SPAG16: variants seen among roughly 807,000 people sequenced by gnomAD.
The protein encoded by SPAG16 is sperm associated antigen 16.
Under a neutral mutation model 80.4 loss-of-function variants are expected in SPAG16, and 86 were observed. The observed-to-expected ratio is 1.07, with a 90% confidence interval of 0.90 to 1.28. The LOEUF (loss-of-function observed/expected upper bound fraction) is 1.28, where lower values mean the gene tolerates loss of function less well. Ranked by LOEUF, SPAG16 falls within the 50% of genes most tolerant of loss-of-function variation. The probability of loss-of-function intolerance (pLI) is 0.00; values close to 1 mark genes in which losing one functional copy is unlikely to be tolerated. For synonymous variants in SPAG16, 294 were observed against 265.9 expected, an observed-to-expected ratio of 1.11 and a Z score of -1.03; for missense variants, 870 against 765.3, an observed-to-expected ratio of 1.14 and a Z score of -1.61.
intron 15 of SPAG16, among the ~76,000 whole-genome samples, chr2:214,353,868 G>T (rs963392578): frequency 6.6e-5 from 10 of 152,100 alleles, no homozygotes; most frequent in Non-Finnish European, 1.0e-4. Context: ...ATGGTAGCAT[G>T]TGTTTTGCAG....
chr2:213,947,268 T>C (rs2079520403), intron 12 of SPAG16, among the ~76,000 whole-genome samples: 1 of 152,156 alleles, frequency 6.6e-6, no homozygotes, highest in South Asian at 2.1e-4. Flanking sequence ...TTTTAAAAAG[T>C]GCAAATTGTT....
chr2:214,205,486 A>G (rs2058118813), intron 15 of SPAG16, among the ~76,000 whole-genome samples: 1 of 152,206 alleles, frequency 6.6e-6, no homozygotes, highest in Non-Finnish European at 1.5e-5. Context: ...GACTTCATAT[A>G]TTGAATAATT....
intron 5 of SPAG16, among the ~76,000 whole-genome samples, chr2:213,339,200 G>T (rs2064547166): frequency 6.6e-6 from 1 of 152,134 alleles, no homozygotes; most frequent in African/African-American, 2.4e-5. Flanking sequence ...CTGATCCTCA[G>T]TGATTGACTT....
chr2:213,453,828 A>G (rs909305986), intron 9 of SPAG16, among the ~76,000 whole-genome samples: 6 of 152,238 alleles, frequency 3.9e-5, no homozygotes, highest in African/African-American at 7.2e-5. Context: ...GGGAAACTTC[A>G]TTGGAATCAC....
intron 11 of SPAG16, among the ~76,000 whole-genome samples, chr2:213,910,783 C>A (rs568784620): frequency 3.4e-5 from 1 of 29,764 alleles, no homozygotes; most frequent in Admixed American, 4.3e-4. Flanking sequence ...CCACCACGCC[C>A]GGCCAAGAAT....
intron 14 of SPAG16, among the ~76,000 whole-genome samples, chr2:214,144,128 C>T (rs1379264335): frequency 1.3e-5 from 2 of 151,996 alleles, no homozygotes; most frequent in East Asian, 3.9e-4. Context: ...CCCTGGGCAA[C>T]AGAACAAGAT....
At chr2:213,931,585 A>G (rs753237186) in intron 12 of SPAG16, among the ~76,000 whole-genome samples, 4 of 152,184 alleles carry the variant, frequency 2.6e-5, no homozygotes, top group Non-Finnish European at 4.4e-5. Flanking sequence ...ATATGTCTTT[A>G]GAACTCTTAA....
In SPAG16 at chr2:214,011,414, A is replaced by G. The variant is rs545289019; in HGVS notation, c.1401-2537A>G. On this transcript the variant is annotated intron_variant, in intron 12 of 15. Coordinates refer to ENST00000331683, the MANE Select transcript of SPAG16 (RefSeq NM_024532.5). ...AAGTAAAACCCAAGTATACTCGTAA[A>G]TATTCTAATATATTGGTATACTTCT... is the stretch of plus-strand genomic sequence containing the variant. Among the ~76,000 whole-genome samples the G allele has an allele frequency of 2.3e-4, 35 of 149,704 alleles. 10 individuals are homozygous for G. Among genetic ancestry groups the G allele is most frequent in the African/African-American group, 8.3e-4 (33 of 39,606 alleles).
rs570584851 is a variant in SPAG16, at chr2:213,745,107, CT to C, written c.1071-117371del. Among the ~76,000 whole-genome samples the C allele has an allele frequency of 3.7e-4, 57 of 152,166 alleles. No individual in the cohort carries two copies. The South Asian group carries it at 0.012, about 31-fold the overall frequency. ...ACTTCTATTTGTGAATTAGCTTTTT[CT>C]TTTTTTCTAAAAAGTTAACCAGTTA... On this transcript the variant is annotated intron_variant, in intron 10 of 15. Transcript: ENST00000331683.
chr2:213,962,142 T>C (rs1448393633), intron 12 of SPAG16, among the ~76,000 whole-genome samples: 1 of 152,002 alleles, frequency 6.6e-6, no homozygotes, highest in Non-Finnish European at 1.5e-5. Context: ...AAGCGGTAAT[T>C]ATGGTTAAAT....
chr2:214,275,178 C>A (rs913199491), intron 15 of SPAG16, among the ~76,000 whole-genome samples: 3 of 151,912 alleles, frequency 2.0e-5, no homozygotes, highest in Admixed American at 6.6e-5. Context: ...CTATTTGATT[C>A]TTCTCTCTTT....
intron 15 of SPAG16, among the ~76,000 whole-genome samples, chr2:214,199,679 A>G (rs769490688): frequency 2.6e-5 from 4 of 152,126 alleles, no homozygotes; most frequent in Non-Finnish European, 4.4e-5. Flanking sequence ...GAATCTGTAG[A>G]TTGCTTTAGG....
At chr2:213,513,989 G>T (rs1346463721) in intron 10 of SPAG16, among the ~76,000 whole-genome samples, 1 of 152,094 alleles carries the variant, frequency 6.6e-6, no homozygotes. Flanking sequence ...ACAAAATTAG[G>T]ATTTTGTAAG....
intron 12 of SPAG16, among the ~76,000 whole-genome samples, chr2:213,949,276 T>C (rs1427426857): frequency 1.4e-5 from 2 of 146,956 alleles, no homozygotes; most frequent in East Asian, 4.1e-4. Context: ...GTTCAAGCGA[T>C]TCTCGTGCCT....
At chr2:214,214,409 A>T (rs2058376940) in intron 15 of SPAG16, among the ~76,000 whole-genome samples, 1 of 152,080 alleles carries the variant, frequency 6.6e-6, no homozygotes, top group African/African-American at 2.4e-5. Context: ...ACTTCAGGTG[A>T]TCTGCCTCCC....
chr2:214,189,855 T>A (rs1469946344), intron 15 of SPAG16, among the ~76,000 whole-genome samples: 1 of 152,082 alleles, frequency 6.6e-6, no homozygotes, highest in African/African-American at 2.4e-5. Flanking sequence ...TCCTATAGAT[T>A]ATATTTTGCA....
At chr2:213,624,930 A>G (rs2061910556) in intron 10 of SPAG16, among the ~76,000 whole-genome samples, 1 of 152,044 alleles carries the variant, frequency 6.6e-6, no homozygotes, top group South Asian at 2.1e-4. Flanking sequence ...AGCTGGGATT[A>G]CAGGCACCTG....
chr2:213,334,078 GATT>G (rs1318447168), intron 5 of SPAG16, among the ~76,000 whole-genome samples: 1 of 152,062 alleles, frequency 6.6e-6, no homozygotes, highest in Non-Finnish European at 1.5e-5. Context: ...CATCTGATAA[GATT>G]AATAACCAGA....
chr2:214,385,471 G>A (rs1452488804), intron 15 of SPAG16, among the ~76,000 whole-genome samples: 1 of 152,174 alleles, frequency 6.6e-6, no homozygotes, highest in Admixed American at 6.5e-5. Context: ...TCTGACTCTA[G>A]AGCCTATGAT....
Sources: allele counts gnomAD v4.1 joint callset (sites outside exome capture counted in the v4.1 genomes callset), GRCh38; gene constraint gnomAD v4.1.1; transcripts MANE v1.5; gene names NCBI Gene and HGNC (gene_info 2026-07-23, HGNC 2026-07-21).